The following NSMCE2 variants were observed in gnomAD, a reference collection of about 807,000 sequenced individuals.
The protein encoded by NSMCE2 is E3 SUMO-protein ligase NSE2.
A neutral mutation model predicts 23.8 loss-of-function variants in NSMCE2; 24 were observed. That is an observed-to-expected ratio of 1.01 (90% CI 0.73 to 1.42). The LOEUF is 1.42. Ranked by LOEUF, NSMCE2 falls within the 40% of genes most tolerant of loss-of-function variation. The pLI is 0.00. For synonymous variants in NSMCE2, 92 were observed against 94.1 expected (o/e 0.98, Z 0.13); for missense variants, 284 against 296.5 (o/e 0.96, Z 0.31).
intron 3 of NSMCE2, among the ~76,000 whole-genome samples, chr8:125,124,800 G>T (rs1819435693): frequency 6.6e-6 from 1 of 151,834 alleles, no homozygotes; most frequent in Non-Finnish European, 1.5e-5. Context: ...TGTTGTTGTT[G>T]TTGTTGTTTT....
intron 5 of NSMCE2, among the ~76,000 whole-genome samples, chr8:125,336,136 A>T (rs549064759): frequency 6.6e-6 from 1 of 152,338 alleles, no homozygotes; most frequent in South Asian, 2.1e-4. Flanking sequence ...GAAGATAGGA[A>T]GGACAGAGCA....
intron 1 of NSMCE2, among the ~76,000 whole-genome samples, chr8:125,097,690 G>C (rs1469750123): frequency 1.3e-5 from 2 of 152,016 alleles, no homozygotes; most frequent in Admixed American, 6.6e-5. Context: ...ATAGTACTTG[G>C]TTCATTCTTT....
chr8:125,295,666 A>G (rs1828294419), intron 5 of NSMCE2, among the ~76,000 whole-genome samples: 1 of 152,142 alleles, frequency 6.6e-6, no homozygotes, highest in African/African-American at 2.4e-5. Flanking sequence ...GTTCTGCCTC[A>G]TTGGTTCCTT....
intron 5 of NSMCE2, among the ~76,000 whole-genome samples, chr8:125,325,667 T>G (rs1394612291): frequency 6.6e-6 from 1 of 152,040 alleles, no homozygotes; most frequent in Admixed American, 6.5e-5. Flanking sequence ...TTTTTAAAAA[T>G]GAAGTTGGGT....
chr8:125,217,547 T>A (rs1006685909), intron 5 of NSMCE2, among the ~76,000 whole-genome samples: 2 of 152,038 alleles, frequency 1.3e-5, no homozygotes, highest in Non-Finnish European at 2.9e-5. Context: ...TTTGTATTTT[T>A]AATAGAGACA....
At chr8:125,305,097 G>A (rs184278517) in intron 5 of NSMCE2, among the ~76,000 whole-genome samples, 68 of 152,258 alleles carry the variant, frequency 4.5e-4, no homozygotes, top group Non-Finnish European at 8.5e-4. Context: ...AGTGAAGGAT[G>A]TCTTTATGTT....
chr8:125,267,180 G>A (rs1826956809), intron 5 of NSMCE2, among the ~76,000 whole-genome samples: 2 of 151,632 alleles, frequency 1.3e-5, no homozygotes, highest in Non-Finnish European at 2.9e-5. Context: ...GTTAATTTTT[G>A]TATTTTTAGT....
intron 5 of NSMCE2, among the ~76,000 whole-genome samples, chr8:125,207,885 C>T (rs1024370594): frequency 1.6e-4 from 24 of 152,126 alleles, no homozygotes; most frequent in African/African-American, 5.1e-4. Flanking sequence ...CCTCTAGAGC[C>T]GGAGCTGAAG....
intron 5 of NSMCE2, among the ~76,000 whole-genome samples, chr8:125,332,608 T>C (rs1284323455): frequency 6.6e-6 from 1 of 152,264 alleles, no homozygotes; most frequent in Non-Finnish European, 1.5e-5. Flanking sequence ...AAGATTTTCA[T>C]TGAATATTTA....
chr8:125,133,454 A>G (rs1426826975), intron 3 of NSMCE2, among the ~76,000 whole-genome samples: 4 of 152,128 alleles, frequency 2.6e-5, no homozygotes, highest in African/African-American at 9.7e-5. Flanking sequence ...TTGTCTTTAA[A>G]TTCAGCCGGG....
intron 5 of NSMCE2, among the ~76,000 whole-genome samples, chr8:125,286,476 T>C (rs1161053578): frequency 6.6e-6 from 1 of 151,614 alleles, no homozygotes; most frequent in Non-Finnish European, 1.5e-5. Context: ...CCATGACGGC[T>C]AATTTTTTGT....
chr8:125,128,594 C>T (rs962623153), intron 3 of NSMCE2, among the ~76,000 whole-genome samples: 1 of 152,184 alleles, frequency 6.6e-6, no homozygotes, highest in Non-Finnish European at 1.5e-5. Flanking sequence ...CAACACAAAT[C>T]TCAAGCCTGA....
At chr8:125,209,693 C>T (rs1824249090) in intron 5 of NSMCE2, among the ~76,000 whole-genome samples, 1 of 152,028 alleles carries the variant, frequency 6.6e-6, no homozygotes, top group African/African-American at 2.4e-5. Flanking sequence ...TTATCATTGC[C>T]TTTCCTATGA....
At chr8:125,265,484 G>A (rs986984902) in intron 5 of NSMCE2, among the ~76,000 whole-genome samples, 2 of 152,200 alleles carry the variant, frequency 1.3e-5, no homozygotes, top group African/African-American at 4.8e-5. Context: ...GCCTCCAAAA[G>A]TGCTGGGATT....
At chr8:125,259,223 C>A (rs962701471) in intron 5 of NSMCE2, among the ~76,000 whole-genome samples, 1 of 152,074 alleles carries the variant, frequency 6.6e-6, no homozygotes, top group African/African-American at 2.4e-5. Flanking sequence ...AAGTGAGAGT[C>A]CTGTGCCAGA....
chr8:125,319,893 C>T (rs958663810), intron 5 of NSMCE2, among the ~76,000 whole-genome samples: 3 of 151,946 alleles, frequency 2.0e-5, no homozygotes, highest in Non-Finnish European at 4.4e-5. Context: ...AAAATTGTGG[C>T]TGGCCAGGCG....
At chr8:125,211,223 A>G (rs1824326137) in intron 5 of NSMCE2, among the ~76,000 whole-genome samples, 2 of 152,284 alleles carry the variant, frequency 1.3e-5, no homozygotes, top group South Asian at 2.1e-4. Context: ...ACATAGTACA[A>G]ACTTCACAAA....
intron 7 of NSMCE2, among the ~76,000 whole-genome samples, chr8:125,358,114 C>T (rs1813364292): frequency 6.6e-6 from 1 of 152,140 alleles, no homozygotes; most frequent in Non-Finnish European, 1.5e-5. Context: ...GGGCAGATCA[C>T]CTGAGGTCAG....
intron 5 of NSMCE2, among the ~76,000 whole-genome samples, chr8:125,290,740 CAAAG>C (rs968877552): frequency 2.5e-4 from 38 of 152,240 alleles, no homozygotes; most frequent in African/African-American, 9.2e-4. Context: ...TGTCTGAATG[CAAAG>C]AGACAGTTCT....
Sources: allele counts gnomAD v4.1 joint callset (sites outside exome capture counted in the v4.1 genomes callset), GRCh38; gene constraint gnomAD v4.1.1; transcripts MANE v1.5; gene names NCBI Gene and HGNC (gene_info 2026-07-23, HGNC 2026-07-21).